Variants in SIL1 observed in about 807,000 individuals in gnomAD.
SIL1 encodes nucleotide exchange factor SIL1.
In SIL1, 40 loss-of-function variants were observed where a neutral mutation model predicts 49.1. The observed-to-expected ratio is 0.81, with a 90% CI of 0.63 to 1.06. The LOEUF is 1.06. Ranked by LOEUF, SIL1 falls within the 50% of genes least tolerant of loss-of-function variation. The pLI, the probability that SIL1 is intolerant of heterozygous loss-of-function variation, is 0.00. For synonymous variants in SIL1, 253 were observed against 250.8 expected, an observed-to-expected ratio of 1.01 and a Z score of -0.08; for missense variants, 500 against 572.6, an observed-to-expected ratio of 0.87 and a Z score of 1.29.
At chr5:138,990,776 C>T (rs913725431) in intron 7 of SIL1, among the ~76,000 whole-genome samples, 14 of 152,186 alleles carry the variant, frequency 9.2e-5, no homozygotes, top group Non-Finnish European at 1.6e-4. Flanking sequence ...AGTCCAGTGG[C>T]GCGATCTCGG....
At chr5:139,127,627 A>G (rs1750779117) in intron 2 of SIL1, 112 bp downstream of exon 2, 2 of 837,622 alleles carry the variant, frequency 2.4e-6, no homozygotes, top group Non-Finnish European at 4.0e-6. Flanking sequence ...CCACACTCAC[A>G]TAAGAAAGAA....
At chr5:139,196,107 T>TTTAGAGAGAGTA (rs1465782919) in intron 1 of SIL1, among the ~76,000 whole-genome samples, 2 of 152,172 alleles carry the variant, frequency 1.3e-5, no homozygotes, top group Non-Finnish European at 2.9e-5. Flanking sequence ...AGAGTATTAC[T>TTTAGAGAGAGTA]TAAGCCCAGG....
At chr5:139,037,519 T>A (rs1000348526) in intron 5 of SIL1, among the ~76,000 whole-genome samples, 3 of 152,228 alleles carry the variant, frequency 2.0e-5, no homozygotes, top group African/African-American at 7.2e-5. Context: ...CCTAAAGCTC[T>A]GTTATTTTTT....
intron 3 of SIL1, among the ~76,000 whole-genome samples, chr5:139,095,434 G>T (rs906037095): frequency 1.3e-5 from 2 of 151,986 alleles, no homozygotes; most frequent in Non-Finnish European, 2.9e-5. Flanking sequence ...GCTAATTTTT[G>T]TATTTTTAGC....
chr5:139,163,956 T>C (rs564956564), intron 1 of SIL1, among the ~76,000 whole-genome samples: 2 of 151,924 alleles, frequency 1.3e-5, no homozygotes, highest in Non-Finnish European at 2.9e-5. Context: ...CCGTCTCTAC[T>C]AAAAATACAA....
intron 6 of SIL1, among the ~76,000 whole-genome samples, chr5:139,023,723 G>T (rs971918257): frequency 6.6e-6 from 1 of 152,210 alleles, no homozygotes; most frequent in Admixed American, 6.5e-5. Flanking sequence ...TCCTGGCTAG[G>T]AAAGTGCCAT....
At chr5:139,035,584 A>C in intron 5 of SIL1, 1 of 437,858 alleles carries the variant, frequency 2.3e-6, no homozygotes, top group Non-Finnish European at 4.5e-6. Flanking sequence ...CAGCAATGAT[A>C]CCTGTGCCAG....
chr5:139,173,790 CAAAAA>C (rs70982756), intron 1 of SIL1, among the ~76,000 whole-genome samples: 2 of 106,372 alleles, frequency 1.9e-5, no homozygotes, highest in Admixed American at 1.1e-4. Context: ...ACTAAAAATA[CAAAAA>C]AAAAAAAAAA....
At chr5:138,999,403 A>G (rs940970743) in intron 7 of SIL1, among the ~76,000 whole-genome samples, 3 of 152,160 alleles carry the variant, frequency 2.0e-5, no homozygotes, top group African/African-American at 7.2e-5. Flanking sequence ...CTGTAATCTC[A>G]AAGCTTTGGG....
At chr5:139,003,696 CAG>C (rs1373583791) in intron 7 of SIL1, among the ~76,000 whole-genome samples, 1 of 152,064 alleles carries the variant, frequency 6.6e-6, no homozygotes, top group Non-Finnish European at 1.5e-5. Flanking sequence ...AAAATAAAAA[CAG>C]AGAAAGAGAG....
intron 7 of SIL1, among the ~76,000 whole-genome samples, chr5:138,988,074 C>G (rs914376267): frequency 6.6e-6 from 1 of 152,214 alleles, no homozygotes; most frequent in Non-Finnish European, 1.5e-5. Flanking sequence ...CTCAGGTGAT[C>G]TGCCCACCTC....
At chr5:139,087,664 T>A (rs539989074) in intron 3 of SIL1, among the ~76,000 whole-genome samples, 63 of 152,166 alleles carry the variant, frequency 4.1e-4, no homozygotes, top group African/African-American at 1.4e-3. Flanking sequence ...TCATACTGTT[T>A]TAAGTTCTGG....
rs542697744 is a variant in SIL1 at position 138,963,031 on chromosome 5, A to C, written c.768-11147T>G. ...AGCAGAAGAAAATTTAAGCTAAAAC[A>C]TACGGGAGATTTTTCACACACTGAG... On this transcript the variant is annotated intron_variant, in intron 7 of 9. Transcript: ENST00000394817. Among the ~76,000 whole-genome samples, 10 of 152,366 alleles carry C rather than the reference A, an allele frequency of 6.6e-5. No individual in the cohort carries two copies. In the East Asian group the frequency reaches 1.7e-3, roughly 26 times the overall value.
chr5:139,128,036 C>G, intron 1 of SIL1, 183 bp from the exon 2 acceptor site: 1 of 628,260 alleles, frequency 1.6e-6, no homozygotes, highest in Non-Finnish European at 3.0e-6. Flanking sequence ...GTCCAGCCAT[C>G]CAACAAGAGA....
intron 1 of SIL1, among the ~76,000 whole-genome samples, chr5:139,192,074 C>CAAAAAA (rs10700186): frequency 1.5e-5 from 1 of 67,218 alleles, no homozygotes. Context: ...GATGCTGTCT[C>CAAAAAA]AAAAAAAAAA....
chr5:139,011,319 G>A (rs1195850724), intron 7 of SIL1, among the ~76,000 whole-genome samples: 1 of 152,120 alleles, frequency 6.6e-6, no homozygotes, highest in Non-Finnish European at 1.5e-5. Flanking sequence ...CCCTGCTTCG[G>A]CTCCCGCACC....
chr5:139,075,113 G>A (rs760150362), intron 3 of SIL1, among the ~76,000 whole-genome samples: 93 of 152,278 alleles, frequency 6.1e-4, no homozygotes, highest in Non-Finnish European at 1.1e-3. Flanking sequence ...GTGAGCCATC[G>A]TGCCTGGCCA....
chr5:139,024,916 A>T (rs964940888), intron 6 of SIL1, among the ~76,000 whole-genome samples: 1 of 152,130 alleles, frequency 6.6e-6, no homozygotes, highest in African/African-American at 2.4e-5. Flanking sequence ...AGCTGATTCA[A>T]ACACACTAGG....
intron 7 of SIL1, among the ~76,000 whole-genome samples, chr5:138,973,700 T>C (rs773228302): frequency 1.8e-4 from 27 of 152,032 alleles, no homozygotes; most frequent in Admixed American, 5.9e-4. Flanking sequence ...TCTTCCCGCC[T>C]CCCAGAATGC....
Sources: allele counts gnomAD v4.1 joint callset (sites outside exome capture counted in the v4.1 genomes callset), GRCh38; gene constraint gnomAD v4.1.1; transcripts MANE v1.5; gene names NCBI Gene and HGNC (gene_info 2026-07-23, HGNC 2026-07-21).